The following PDGFD variants were observed in gnomAD, a reference collection of about 807,000 sequenced individuals.
PDGFD encodes platelet-derived growth factor D.
In PDGFD, 30 loss-of-function variants were observed where a neutral mutation model predicts 44.7. The ratio of observed to expected loss-of-function variants is 0.67; its 90% confidence interval spans 0.50 to 0.91. The LOEUF is 0.91. PDGFD is among the 40% of genes least tolerant of loss of function. PDGFD has a pLI of 0.00. For synonymous variants in PDGFD, 173 were observed against 168.4 expected (o/e 1.03, Z -0.21); for missense variants, 445 against 457.8 (o/e 0.97, Z 0.25).
intron 3 of PDGFD, among the ~76,000 whole-genome samples, chr11:103,977,341 A>G (rs1859199544): frequency 6.6e-6 from 1 of 152,148 alleles, no homozygotes. Flanking sequence ...AACTCATTTT[A>G]TGAGACCAGC....
intron 6 of PDGFD, among the ~76,000 whole-genome samples, chr11:103,916,952 G>A (rs112041155): frequency 0.056 from 8,594 of 152,182 alleles, 322 homozygotes; most frequent in Non-Finnish European, 0.081. Flanking sequence ...TGCGGGACTA[G>A]GGAAGGGATA....
chr11:104,090,628 CAAAA>C (rs66464259), intron 1 of PDGFD, among the ~76,000 whole-genome samples: 40 of 134,616 alleles, frequency 3.0e-4, no homozygotes, highest in African/African-American at 4.6e-4. Flanking sequence ...GACCCTGTCT[CAAAA>C]AAAAAAAAAA....
At chr11:103,980,671 C>T (rs892504416) in intron 3 of PDGFD, among the ~76,000 whole-genome samples, 2 of 152,000 alleles carry the variant, frequency 1.3e-5, no homozygotes, top group African/African-American at 4.8e-5. Context: ...TGTGTCCCCC[C>T]CAAAATTGAT....
intron 3 of PDGFD, among the ~76,000 whole-genome samples, chr11:103,977,419 T>C (rs1288800360): frequency 6.6e-6 from 1 of 152,122 alleles, no homozygotes; most frequent in Non-Finnish European, 1.5e-5. Context: ...ATATCCCTGA[T>C]GAACATCGAT....
At chr11:103,962,271 C>T (rs1858949674) in intron 3 of PDGFD, among the ~76,000 whole-genome samples, 1 of 152,194 alleles carries the variant, frequency 6.6e-6, no homozygotes, top group Non-Finnish European at 1.5e-5. Flanking sequence ...TCTTATCCCT[C>T]AGCAGGGTAC....
intron 1 of PDGFD, among the ~76,000 whole-genome samples, chr11:104,099,926 T>C (rs898944126): frequency 6.6e-6 from 1 of 152,126 alleles, no homozygotes; most frequent in Non-Finnish European, 1.5e-5. Flanking sequence ...ATCTGCAAAA[T>C]GCTAATGGGT....
At chr11:104,026,970 AC>A (rs1362132532) in intron 1 of PDGFD, among the ~76,000 whole-genome samples, 1 of 152,246 alleles carries the variant, frequency 6.6e-6, no homozygotes, top group East Asian at 1.9e-4. Flanking sequence ...AATATGCTAC[AC>A]TTTTTCACTA....
intron 6 of PDGFD, among the ~76,000 whole-genome samples, chr11:103,914,866 A>G (rs1304485779): frequency 6.6e-6 from 1 of 152,240 alleles, no homozygotes; most frequent in African/African-American, 2.4e-5. Context: ...ATCTCAATAG[A>G]TGCAGAAAAG....
chr11:104,055,850 A>G (rs1860610182), intron 1 of PDGFD, among the ~76,000 whole-genome samples: 1 of 152,214 alleles, frequency 6.6e-6, no homozygotes, highest in South Asian at 2.1e-4. Context: ...CTCCTCATTT[A>G]GATGTGCTTC....
chr11:104,140,273 T>C (rs760755460), intron 1 of PDGFD, among the ~76,000 whole-genome samples: 2 of 152,080 alleles, frequency 1.3e-5, no homozygotes, highest in Non-Finnish European at 2.9e-5. Context: ...AAAGAGCAAA[T>C]ATAACCATGT....
intron 1 of PDGFD, among the ~76,000 whole-genome samples, chr11:104,137,128 C>A (rs959575689): frequency 6.6e-6 from 1 of 152,152 alleles, no homozygotes; most frequent in South Asian, 2.1e-4. Flanking sequence ...TGTGATACCA[C>A]ATGGCCTGAA....
chr11:103,995,945 C>A, intron 3 of PDGFD, 120 bp downstream of exon 3: 1 of 845,048 alleles, frequency 1.2e-6, no homozygotes, highest in Admixed American at 2.9e-5. Context: ...TAGGAACAAA[C>A]CATGTTATAA....
At chr11:104,028,776 A>G (rs571808784) in intron 1 of PDGFD, among the ~76,000 whole-genome samples, 5 of 131,048 alleles carry the variant, frequency 3.8e-5, no homozygotes, top group Admixed American at 2.9e-4. Flanking sequence ...AGTTGTTTTG[A>G]AGTAAAAAAA....
chr11:104,099,614 A>G (rs1360216776), intron 1 of PDGFD, among the ~76,000 whole-genome samples: 1 of 148,606 alleles, frequency 6.7e-6, no homozygotes, highest in Non-Finnish European at 1.5e-5. Context: ...CCTGGGCGAC[A>G]GAGTGAAAAC....
chr11:103,983,339 A>G (rs887380539), intron 3 of PDGFD, among the ~76,000 whole-genome samples: 1 of 151,858 alleles, frequency 6.6e-6, no homozygotes, highest in Non-Finnish European at 1.5e-5. Context: ...CTATTCAGTA[A>G]ATGGTGCTGT....
chr11:103,914,353 C>T (rs967908147), intron 6 of PDGFD, among the ~76,000 whole-genome samples: 1 of 151,978 alleles, frequency 6.6e-6, no homozygotes. Context: ...ATCCCTTTGG[C>T]CTTTTTGGCT....
chr11:103,927,384 T>C (rs1858335386), intron 5 of PDGFD, among the ~76,000 whole-genome samples: 1 of 152,196 alleles, frequency 6.6e-6, no homozygotes, highest in Non-Finnish European at 1.5e-5. Context: ...TTGGTTCAAA[T>C]TTCCTTGCAT....
chr11:104,036,461 A>C, intron 1 of PDGFD: 1 of 231,858 alleles, frequency 4.3e-6, no homozygotes, highest in Non-Finnish European at 8.6e-6. Context: ...AATGTGTTGA[A>C]ATCATTTCTT....
intron 3 of PDGFD, among the ~76,000 whole-genome samples, chr11:103,990,557 CT>C (rs1417112535): frequency 6.6e-6 from 1 of 152,196 alleles, no homozygotes; most frequent in African/African-American, 2.4e-5. Flanking sequence ...GAGGTTCTGC[CT>C]GTCTTCCTCA....
Sources: allele counts gnomAD v4.1 joint callset (sites outside exome capture counted in the v4.1 genomes callset), GRCh38; gene constraint gnomAD v4.1.1; transcripts MANE v1.5; gene names NCBI Gene and HGNC (gene_info 2026-07-23, HGNC 2026-07-21).